Variants in LDLRAD3 observed in about 807,000 individuals in gnomAD.
LDLRAD3 encodes the protein low density lipoprotein receptor class A domain containing 3, also known as low-density lipoprotein receptor class A domain-containing protein 3.
In LDLRAD3, 20 loss-of-function variants were observed where a neutral mutation model predicts 29.4. The observed-to-expected ratio is 0.68, with a 90% CI of 0.48 to 0.99. The LOEUF (loss-of-function observed/expected upper bound fraction) is 0.99. LDLRAD3 is among the 50% of genes least tolerant of loss of function. The probability of loss-of-function intolerance (pLI) is 0.00; values close to 1 mark genes in which losing one functional copy is unlikely to be tolerated. For synonymous variants in LDLRAD3, 157 were observed against 192.7 expected, an observed-to-expected ratio of 0.81 and a Z score of 1.53; for missense variants, 420 against 454.3, an observed-to-expected ratio of 0.92 and a Z score of 0.69.
At chr11:35,982,241 C>T (rs184729622) in intron 1 of LDLRAD3, among the ~76,000 whole-genome samples, 10 of 152,252 alleles carry the variant, frequency 6.6e-5, no homozygotes, top group African/African-American at 2.2e-4. Context: ...TCCCTAGCTC[C>T]CCGTGGCTTT....
At chr11:36,129,133 A>G (rs1436891651) in intron 4 of LDLRAD3, among the ~76,000 whole-genome samples, 1 of 152,156 alleles carries the variant, frequency 6.6e-6, no homozygotes, top group African/African-American at 2.4e-5. Context: ...GAGATTTAAT[A>G]GACCTTCCCA....
At chr11:36,073,599 C>A (rs1025900358) in intron 2 of LDLRAD3, among the ~76,000 whole-genome samples, 1 of 152,242 alleles carries the variant, frequency 6.6e-6, no homozygotes, top group Non-Finnish European at 1.5e-5. Flanking sequence ...TCTCTCTGCC[C>A]CTGCCAGGCA....
chr11:36,198,877 T>G (rs748872274), intron 4 of LDLRAD3, among the ~76,000 whole-genome samples: 1 of 152,148 alleles, frequency 6.6e-6, no homozygotes, highest in Non-Finnish European at 1.5e-5. Flanking sequence ...GAAAAATGTA[T>G]CCACAGGCAC....
At chr11:36,204,879 G>A (rs12274409) in intron 4 of LDLRAD3, among the ~76,000 whole-genome samples, 2,251 of 152,220 alleles carry the variant, frequency 0.015, 67 homozygotes, top group African/African-American at 0.052. Context: ...GGACATTCCT[G>A]TCTCCTGCCA....
intron 3 of LDLRAD3, among the ~76,000 whole-genome samples, chr11:36,092,479 T>C (rs1853297977): frequency 6.6e-6 from 1 of 152,184 alleles, no homozygotes; most frequent in African/African-American, 2.4e-5. Flanking sequence ...TCTATGTTTG[T>C]ATCCTTTAAC....
chr11:35,996,660 A>G (rs904386438), intron 1 of LDLRAD3, among the ~76,000 whole-genome samples: 5 of 152,212 alleles, frequency 3.3e-5, no homozygotes, highest in African/African-American at 1.2e-4. Flanking sequence ...CACAGTTTCT[A>G]TATCGAGTGG....
Position 36,159,639 on chromosome 11 carries a change from G to A in LDLRAD3, c.454+61178G>A, listed in dbSNP as rs12796164. Among the ~76,000 whole-genome samples the A allele has an allele frequency of 9.3e-3, 1,388 of 149,448 alleles. 21 individuals carry two copies. The highest frequency in any genetic ancestry group is 0.039 in the South Asian group (180 of 4,636). ...AAAAAAAAAAAAAGCCAGATGTGGT[G>A]ACATGCTCCTGTAGTCCCAGCTACA... On this transcript the variant is annotated intron_variant, in intron 4 of 5. Coordinates refer to ENST00000315571, the MANE Select transcript of LDLRAD3 (RefSeq NM_174902.4).
chr11:36,089,584 AG>A (rs1361771858), intron 3 of LDLRAD3, among the ~76,000 whole-genome samples: 1 of 151,984 alleles, frequency 6.6e-6, no homozygotes, highest in East Asian at 1.9e-4. Flanking sequence ...TGTGCCACAA[AG>A]CCCAGCTAAT....
At chr11:36,037,907 A>C (rs1852325143) in intron 2 of LDLRAD3, among the ~76,000 whole-genome samples, 1 of 152,038 alleles carries the variant, frequency 6.6e-6, no homozygotes, top group African/African-American at 2.4e-5. Flanking sequence ...TTATTTTTGC[A>C]GAATTGTTTG....
intron 4 of LDLRAD3, among the ~76,000 whole-genome samples, chr11:36,199,723 C>T (rs1003643170): frequency 3.9e-5 from 6 of 152,222 alleles, no homozygotes; most frequent in African/African-American, 1.4e-4. Context: ...GTTGTCTTCT[C>T]CCTCTTGAGT....
intron 3 of LDLRAD3, among the ~76,000 whole-genome samples, chr11:36,085,828 A>G (rs952765511): frequency 6.6e-6 from 1 of 151,922 alleles, no homozygotes; most frequent in Non-Finnish European, 1.5e-5. Flanking sequence ...TATGTTGCCC[A>G]GGTTGGTCTC....
At chr11:36,144,576 C>T (rs1854142998) in intron 4 of LDLRAD3, among the ~76,000 whole-genome samples, 1 of 149,766 alleles carries the variant, frequency 6.7e-6, no homozygotes, top group South Asian at 2.2e-4. Context: ...CTCTGCCCGG[C>T]CGCCCCGTCT....
chr11:36,140,404 T>G (rs191747143), intron 4 of LDLRAD3, among the ~76,000 whole-genome samples: 10 of 152,316 alleles, frequency 6.6e-5, no homozygotes, highest in Admixed American at 3.9e-4. Flanking sequence ...GTAGGGGATT[T>G]GACAAATCCT....
At chr11:35,986,298 T>G (rs775868658) in intron 1 of LDLRAD3, among the ~76,000 whole-genome samples, 4 of 152,250 alleles carry the variant, frequency 2.6e-5, no homozygotes, top group African/African-American at 9.6e-5. Flanking sequence ...GTTTTATTTT[T>G]GTGTCTCTTT....
In LDLRAD3 at chr11:35,986,605, C is replaced by A. The variant is rs376365252; in HGVS notation, c.46+42461C>A. Among the ~76,000 whole-genome samples, 37 of 152,322 alleles carry A rather than the reference C, an allele frequency of 2.4e-4. No homozygotes were observed. In the South Asian group the frequency reaches 6.6e-3, roughly 27 times the overall value. ...AGTAGTGGGCGAGGGCTCTACCTGT[C>A]TTGGTCACTTTCTCCTGGCTGATTG... On this transcript the variant is annotated intron_variant, in intron 1 of 5. Coordinates refer to ENST00000315571, the MANE Select transcript of LDLRAD3 (RefSeq NM_174902.4).
In LDLRAD3 at chr11:36,123,824, G is replaced by A. The variant is rs113325099; in HGVS notation, c.454+25363G>A. Among the ~76,000 whole-genome samples the A allele has an allele frequency of 3.6e-3, 555 of 152,318 alleles. 3 individuals carry two copies. Among genetic ancestry groups the A allele is most frequent in the African/African-American group, 0.012 (517 of 41,578 alleles). ...CCAACCACCCGGACTCCTAAAGTCCGGCTGTGGCTGTAGAGTTGAATATTG... is the reference window on the plus strand; with the variant it reads ...CCAACCACCCGGACTCCTAAAGTCCAGCTGTGGCTGTAGAGTTGAATATTG... On this transcript the variant is annotated intron_variant, in intron 4 of 5. Transcript: ENST00000315571.
At chr11:36,013,331 G>A (rs1851978427) in intron 1 of LDLRAD3, among the ~76,000 whole-genome samples, 1 of 152,054 alleles carries the variant, frequency 6.6e-6, no homozygotes, top group Non-Finnish European at 1.5e-5. Flanking sequence ...AGATACATGT[G>A]CAGAATGTGC....
chr11:36,049,455 A>G (rs1399506032), intron 2 of LDLRAD3, among the ~76,000 whole-genome samples: 1 of 152,184 alleles, frequency 6.6e-6, no homozygotes, highest in African/African-American at 2.4e-5. Context: ...CACTAGTAAC[A>G]CTTGAATATT....
intron 1 of LDLRAD3, among the ~76,000 whole-genome samples, chr11:35,969,436 C>T (rs1285493699): frequency 2.0e-5 from 3 of 152,226 alleles, no homozygotes; most frequent in Non-Finnish European, 4.4e-5. Context: ...AAGCTTATGA[C>T]TTAATGAGCT....
Sources: allele counts gnomAD v4.1 joint callset (sites outside exome capture counted in the v4.1 genomes callset), GRCh38; gene constraint gnomAD v4.1.1; transcripts MANE v1.5; gene names NCBI Gene and HGNC (gene_info 2026-07-23, HGNC 2026-07-21).